The following PRKG1 variants were observed in gnomAD, a reference collection of about 807,000 sequenced individuals.
PRKG1 encodes cGMP-dependent protein kinase 1.
A neutral mutation model predicts 88.1 loss-of-function variants in PRKG1; 35 were observed. The ratio of observed to expected loss-of-function variants is 0.40; its 90% CI spans 0.30 to 0.53. PRKG1 has a LOEUF of 0.53. PRKG1 is among the 20% of genes least tolerant of loss of function. PRKG1 has a pLI of 0.59. For synonymous variants in PRKG1, 303 were observed against 292.5 expected, an observed-to-expected ratio of 1.04 and a Z score of -0.37; for missense variants, 540 against 839.8, an observed-to-expected ratio of 0.64 and a Z score of 4.41.
At chr10:51,919,059 C>A (rs17638356) in intron 5 of PRKG1, among the ~76,000 whole-genome samples, 1 of 151,984 alleles carries the variant, frequency 6.6e-6, no homozygotes, top group Non-Finnish European at 1.5e-5. Context: ...TATCAAACAA[C>A]GTGGTGCAGG....
chr10:51,433,499 G>A (rs1588953407), intron 2 of PRKG1, among the ~76,000 whole-genome samples: 1 of 152,008 alleles, frequency 6.6e-6, no homozygotes, highest in East Asian at 1.9e-4. Flanking sequence ...ACGAGAATCT[G>A]GGAAATAAAA....
At chr10:51,116,598 G>A (rs186600212) in intron 1 of PRKG1, among the ~76,000 whole-genome samples, 5 of 152,332 alleles carry the variant, frequency 3.3e-5, no homozygotes, top group Admixed American at 3.3e-4. Flanking sequence ...AGTAAAAGGT[G>A]TCTGCAGGAA....
intron 3 of PRKG1, among the ~76,000 whole-genome samples, chr10:51,758,405 T>C (rs1427822993): frequency 1.3e-5 from 2 of 152,244 alleles, no homozygotes; most frequent in African/African-American, 4.8e-5. Flanking sequence ...AATCATTTGT[T>C]ACTAGTCAGT....
chr10:51,928,589 T>G (rs182909013), intron 5 of PRKG1, among the ~76,000 whole-genome samples: 1 of 152,288 alleles, frequency 6.6e-6, no homozygotes, highest in Admixed American at 6.5e-5. Context: ...TTCTGGAAAG[T>G]AACCCCTTCT....
Position 51,574,154 on chromosome 10 carries a change from G to A in PRKG1, c.592+106318G>A, listed in dbSNP as rs1020306477. Among the ~76,000 whole-genome samples, 6 of 151,840 alleles carry A rather than the reference G, an allele frequency of 4.0e-5. No individual in the cohort carries two copies. In the East Asian group the frequency reaches 5.8e-4, roughly 15 times the overall value. On this transcript the variant is annotated intron_variant, in intron 3 of 17. Coordinates refer to ENST00000373980, the MANE Select transcript of PRKG1 (RefSeq NM_006258.4). ...CAAATCTGAAATAAATGACAAATGC[G>A]TATTAAATAGATATTTATTTGATTT...
intron 9 of PRKG1, among the ~76,000 whole-genome samples, chr10:52,187,412 A>T (rs1839226889): frequency 6.6e-6 from 1 of 152,178 alleles, no homozygotes; most frequent in African/African-American, 2.4e-5. Context: ...TTAGGTAAAA[A>T]AAAAATTTAT....
At chr10:51,353,570 CA>C in intron 2 of PRKG1, among the ~76,000 whole-genome samples, 1 of 152,136 alleles carries the variant, frequency 6.6e-6, no homozygotes, top group East Asian at 1.9e-4. Flanking sequence ...CACTGATCAT[CA>C]GAGAAATACA....
intron 3 of PRKG1, among the ~76,000 whole-genome samples, chr10:51,648,668 T>C (rs1839971759): frequency 6.6e-6 from 1 of 152,176 alleles, no homozygotes; most frequent in African/African-American, 2.4e-5. Flanking sequence ...AACATTTTTT[T>C]TTAACTGCCA....
At chr10:52,219,381 C>A (rs986501868) in intron 9 of PRKG1, among the ~76,000 whole-genome samples, 1 of 152,144 alleles carries the variant, frequency 6.6e-6, no homozygotes. Flanking sequence ...GTCTAAGATG[C>A]CTTCACTGAT....
chr10:51,640,732 A>C (rs1839778192), intron 3 of PRKG1, among the ~76,000 whole-genome samples: 1 of 152,188 alleles, frequency 6.6e-6, no homozygotes, highest in Non-Finnish European at 1.5e-5. Context: ...GAGGCTTTAG[A>C]ATACTCTCAA....
chr10:51,698,876 G>C, intron 3 of PRKG1: 1 of 1,614,034 alleles, frequency 6.2e-7, no homozygotes, highest in Non-Finnish European at 8.5e-7. Flanking sequence ...CAGAACATTA[G>C]GTCCTGGGCA....
Position 51,074,516 on chromosome 10 carries a change from A to G in PRKG1, c.-75A>G. On this transcript the variant is annotated 5_prime_UTR_variant, in exon 1 of 18. Transcript: ENST00000373980. ...GGGAGGCAGCGGCGACTTTGGGGAA[A>G]GTTGATCGGAGAGGGGAGGAAGCCT... 6.6e-7 allele frequency: 1 copy of G among 1,521,870 alleles called. No individual in the cohort carries two copies. The highest frequency in any genetic ancestry group is 8.8e-7 in the Non-Finnish European group (1 of 1,133,150). 94.3% of individuals were successfully genotyped at this position (1,521,870 alleles called of 1,614,324 possible). A position where few individuals can be genotyped will look rare whatever the true frequency, so the allele number is the denominator to read the frequency against.
chr10:51,565,915 G>A (rs1343744885), intron 3 of PRKG1, among the ~76,000 whole-genome samples: 2 of 151,998 alleles, frequency 1.3e-5, no homozygotes, highest in African/African-American at 4.8e-5. Flanking sequence ...CAGTGTTTTT[G>A]GTGTTCTTTC....
At chr10:51,949,648 G>A (rs1308374790) in intron 5 of PRKG1, among the ~76,000 whole-genome samples, 1 of 152,126 alleles carries the variant, frequency 6.6e-6, no homozygotes, top group Non-Finnish European at 1.5e-5. Context: ...CTAGAGTACA[G>A]CCTGATTATT....
chr10:51,962,446 T>C (rs1843469955), intron 5 of PRKG1, among the ~76,000 whole-genome samples: 2 of 152,118 alleles, frequency 1.3e-5, no homozygotes, highest in South Asian at 4.1e-4. Flanking sequence ...TGATCATAGG[T>C]CTTGAATGGC....
chr10:51,491,081 T>G lies in PRKG1; in HGVS notation c.592+23245T>G, dbSNP rs1840697720. On this transcript the variant is annotated intron_variant, in intron 3 of 17. Transcript: ENST00000373980. ...CTTTTCATGTTGGCGTGCTTCTGCC[T>G]ATCCAAACCCTTGAGATCCAGGAAG... Among the ~76,000 whole-genome samples the G allele has an allele frequency of 2.6e-5, 4 of 152,176 alleles. No homozygotes were observed. In the East Asian group the frequency reaches 7.7e-4, roughly 29 times the overall value.
intron 4 of PRKG1, among the ~76,000 whole-genome samples, chr10:51,878,698 T>C (rs1841363762): frequency 6.6e-6 from 1 of 152,162 alleles, no homozygotes; most frequent in Non-Finnish European, 1.5e-5. Context: ...TACCAACAGT[T>C]TCTATTGAAG....
intron 5 of PRKG1, among the ~76,000 whole-genome samples, chr10:51,928,874 G>A (rs551149135): frequency 8.5e-5 from 13 of 152,166 alleles, no homozygotes; most frequent in East Asian, 1.9e-4. Flanking sequence ...AGTCTAAAAC[G>A]TATACTTCAC....
rs549769991 is a variant in PRKG1 at position 52,211,464 on chromosome 10, G to A, written c.1077-40106G>A. 1.3e-4 allele frequency among the ~76,000 whole-genome samples: 20 copies of A among 152,190 alleles called. No individual in the cohort carries two copies. In the South Asian group the frequency reaches 3.5e-3, roughly 27 times the overall value. ...CTGTCCGGTTGTAGGTTTTGTTTGC[G>A]AGTTCAACCGTCACTTGGTTATTTA... On this transcript the variant is annotated intron_variant, in intron 9 of 17. Coordinates refer to ENST00000373980, the MANE Select transcript of PRKG1 (RefSeq NM_006258.4).
Sources: gnomAD v4.1 joint callset for allele counts (sites outside exome capture counted in the v4.1 genomes callset) on GRCh38, gnomAD v4.1.1 for gene constraint, MANE v1.5 for transcripts, NCBI Gene and HGNC (gene_info 2026-07-23, HGNC 2026-07-21) for gene names.